Variants in MITF observed in about 807,000 individuals in gnomAD.
MITF encodes melanocyte inducing transcription factor.
A neutral mutation model predicts 60.5 loss-of-function variants in MITF; 17 were observed. That is an observed-to-expected ratio of 0.28 (90% CI 0.19 to 0.42). The LOEUF is 0.42. Ranked by LOEUF, MITF falls within the 10% of genes least tolerant of loss-of-function variation. The pLI, the probability that MITF is intolerant of heterozygous loss-of-function variation, is 1.00. For synonymous variants in MITF, 260 were observed against 248.5 expected (o/e 1.05, Z -0.43); for missense variants, 622 against 683.5 (o/e 0.91, Z 1.00).
At chr3:69,796,494 C>CTTTTT (rs767834091) in intron 1 of MITF, among the ~76,000 whole-genome samples, 102 of 80,294 alleles carry the variant, frequency 1.3e-3, no homozygotes, top group African/African-American at 2.6e-3. Context: ...CACCGTCTTT[C>CTTTTT]TTTTTTTTTT....
intron 1 of MITF, among the ~76,000 whole-genome samples, chr3:69,778,055 G>C (rs1416562566): frequency 2.0e-5 from 3 of 152,116 alleles, no homozygotes; most frequent in Non-Finnish European, 4.4e-5. Flanking sequence ...GGACTTGCCT[G>C]TGGAGATGGA....
At chr3:69,743,694 A>C (rs1369611443) in intron 1 of MITF, among the ~76,000 whole-genome samples, 3 of 152,174 alleles carry the variant, frequency 2.0e-5, no homozygotes, top group African/African-American at 4.8e-5. Context: ...CCTGGGAATG[A>C]GTTCTGAATG....
chr3:69,926,474 TCGG>T (rs2065589607), intron 2 of MITF, among the ~76,000 whole-genome samples: 4 of 152,150 alleles, frequency 2.6e-5, no homozygotes, highest in Non-Finnish European at 5.9e-5. Context: ...CTTAAGAGTG[TCGG>T]TACTTATGAG....
At chr3:69,758,958 T>A (rs776918074) in intron 1 of MITF, among the ~76,000 whole-genome samples, 1 of 152,248 alleles carries the variant, frequency 6.6e-6, no homozygotes, top group Non-Finnish European at 1.5e-5. Context: ...GACTGGCATA[T>A]GTACATTCTC....
intron 1 of MITF, among the ~76,000 whole-genome samples, chr3:69,778,061 A>G (rs1157251003): frequency 2.6e-5 from 4 of 151,948 alleles, no homozygotes; most frequent in Admixed American, 6.6e-5. Context: ...GCCTGTGGAG[A>G]TGGAGAGGAG....
intron 1 of MITF, among the ~76,000 whole-genome samples, chr3:69,774,615 T>A (rs1377959085): frequency 6.6e-6 from 1 of 151,898 alleles, no homozygotes; most frequent in African/African-American, 2.4e-5. Flanking sequence ...AGCCTAGGAG[T>A]ATTCTAAGTT....
chr3:69,938,895 T>C (rs2065905463), intron 3 of MITF: 31 of 1,457,158 alleles, frequency 2.1e-5, no homozygotes, highest in Non-Finnish European at 2.7e-5. Flanking sequence ...ACCAACTGCT[T>C]TATTTTTCTC....
chr3:69,892,302 A>T (rs906295040), intron 2 of MITF, among the ~76,000 whole-genome samples: 2 of 152,220 alleles, frequency 1.3e-5, no homozygotes, highest in Non-Finnish European at 2.9e-5. Context: ...TTTATTTTTT[A>T]GAGCAGCTTT....
chr3:69,852,175 T>A (rs915461657), intron 1 of MITF, among the ~76,000 whole-genome samples: 1 of 152,184 alleles, frequency 6.6e-6, no homozygotes. Context: ...GGTAGATTTT[T>A]AAAGTATTTT....
intron 2 of MITF, among the ~76,000 whole-genome samples, chr3:69,882,465 G>C (rs2064511386): frequency 6.6e-6 from 1 of 151,952 alleles, no homozygotes; most frequent in Admixed American, 6.6e-5. Flanking sequence ...GTAATTTAAG[G>C]ATGCTCTTTT....
At chr3:69,816,316 C>T (rs1434398740) in intron 1 of MITF, among the ~76,000 whole-genome samples, 5 of 152,170 alleles carry the variant, frequency 3.3e-5, no homozygotes, top group African/African-American at 1.2e-4. Flanking sequence ...ATTGAGACTC[C>T]TCTGTGCTGC....
At chr3:69,824,711 C>CTAGTGCCTGGCCCCTGCAGTGCA (rs2063328079) in intron 1 of MITF, among the ~76,000 whole-genome samples, 1 of 152,200 alleles carries the variant, frequency 6.6e-6, no homozygotes, top group Non-Finnish European at 1.5e-5. Flanking sequence ...TCTGGCTTCA[C>CTAGTGCCTGGCCCCTGCAGTGCA]TAGTGCCTGG....
At position 69,967,061 on chromosome 3, in the gene MITF, A is replaced by G. The variant is rs1015602614; in HGVS notation, c.*1813A>G. 1 of 232,112 alleles carries G rather than the reference A, an allele frequency of 4.3e-6. No homozygotes were observed. Among genetic ancestry groups the G allele is most frequent in the Non-Finnish European group, 8.5e-6 (1 of 117,228 alleles). The allele number at this position is 232,112 out of a possible 1,614,324, so 14.4% of individuals were successfully genotyped here. A position where few individuals can be genotyped will look rare whatever the true frequency, so the allele number is the denominator to read the frequency against. The stretch of plus-strand genomic sequence containing the variant: ...AACCTTATTCAGGAGGGTTTTTAAA[A>G]AGTGTTTAAATGTCAAATGTGAATT... On this transcript the variant is annotated 3_prime_UTR_variant, in exon 10 of 10. Transcript: ENST00000352241.
intron 1 of MITF, among the ~76,000 whole-genome samples, chr3:69,872,001 G>A (rs536295895): frequency 3.3e-5 from 5 of 152,270 alleles, no homozygotes; most frequent in African/African-American, 1.2e-4. Context: ...TTCCACAGTT[G>A]GACAGAGTAA....
intron 1 of MITF, among the ~76,000 whole-genome samples, chr3:69,870,433 T>G (rs2107243882): frequency 6.8e-6 from 1 of 146,418 alleles, no homozygotes; most frequent in African/African-American, 2.5e-5. Flanking sequence ...TGTATATATA[T>G]ATATATATTT....
chr3:69,911,687 A>G (rs1434581423), intron 2 of MITF, among the ~76,000 whole-genome samples: 1 of 152,238 alleles, frequency 6.6e-6, no homozygotes, highest in African/African-American at 2.4e-5. Context: ...TTCAATCTGT[A>G]CCTAAGGAAT....
At chr3:69,857,913 T>C (rs1411674059) in intron 1 of MITF, among the ~76,000 whole-genome samples, 1 of 152,164 alleles carries the variant, frequency 6.6e-6, no homozygotes, top group Non-Finnish European at 1.5e-5. Context: ...TATTGTTTGA[T>C]ATTAGGAGCA....
At chr3:69,947,043 A>T (rs1435674925) in intron 5 of MITF, among the ~76,000 whole-genome samples, 1 of 152,186 alleles carries the variant, frequency 6.6e-6, no homozygotes, top group Non-Finnish European at 1.5e-5. Context: ...AGAATTAGAT[A>T]TCTGTTCAAC....
intron 1 of MITF, among the ~76,000 whole-genome samples, chr3:69,800,078 A>G (rs772080283): frequency 1.3e-5 from 2 of 152,164 alleles, no homozygotes; most frequent in Non-Finnish European, 1.5e-5. Context: ...CATCACCCCA[A>G]TAAGAAGCTT....
Sources: gnomAD v4.1 joint callset for allele counts (sites outside exome capture counted in the v4.1 genomes callset) on GRCh38, gnomAD v4.1.1 for gene constraint, MANE v1.5 for transcripts, NCBI Gene and HGNC (gene_info 2026-07-23, HGNC 2026-07-21) for gene names.